The following TBC1D4 variants were observed in gnomAD, a reference collection of about 807,000 sequenced individuals.
TBC1D4 encodes the protein TBC1 domain family member 4, also known as TBC (Tre-2, BUB2, CDC16) domain-containing protein.
Under a neutral mutation model 142.5 loss-of-function variants are expected in TBC1D4, and 121 were observed. The observed-to-expected ratio is 0.85, with a 90% CI of 0.73 to 0.99. The LOEUF (loss-of-function observed/expected upper bound fraction) is 0.99. Ranked by LOEUF, TBC1D4 falls within the 50% of genes least tolerant of loss-of-function variation. The pLI, the probability that TBC1D4 is intolerant of heterozygous loss-of-function variation, is 0.00. For missense variants in TBC1D4, 1,475 were observed against 1,606.6 expected (o/e 0.92, Z 1.40); for synonymous variants, 630 against 628.2 (o/e 1.00, Z -0.04).
intron 8 of TBC1D4, 57 bp from the exon 9 acceptor site, chr13:75,327,883 C>T (rs573165700): frequency 1.0e-5 from 16 of 1,567,792 alleles, no homozygotes; most frequent in Middle Eastern, 1.7e-4. Flanking sequence ...TACTTCAAAA[C>T]TATAAAAGGT....
At chr13:75,306,262 C>A in intron 15 of TBC1D4, 51 bp downstream of exon 15, 1 of 1,483,002 alleles carries the variant, frequency 6.7e-7, no homozygotes, top group Admixed American at 2.2e-5. Flanking sequence ...AAAAAAAAAT[C>A]CCCCAGGCTT....
intron 1 of TBC1D4, among the ~76,000 whole-genome samples, chr13:75,369,610 T>A (rs906110185): frequency 5.3e-5 from 8 of 152,172 alleles, no homozygotes; most frequent in Non-Finnish European, 1.5e-5. Context: ...GGGTTTCTAC[T>A]TAAAGCCTGG....
chr13:75,334,616 C>T (rs1880043409), intron 8 of TBC1D4, among the ~76,000 whole-genome samples: 1 of 151,976 alleles, frequency 6.6e-6, no homozygotes. Flanking sequence ...CAGGGTCTCA[C>T]TCTGTCTCCC....
chr13:75,302,106 TA>T, intron 16 of TBC1D4, 136 bp downstream of exon 16: 5 of 1,049,296 alleles, frequency 4.8e-6, no homozygotes, highest in Non-Finnish European at 1.4e-6. Context: ...TTGCCCTCAG[TA>T]AAGGACAAAG....
In TBC1D4 at chr13:75,333,359, G is replaced by A. The variant is rs117718297; in HGVS notation, c.1731+3562C>T. On this transcript the variant is annotated intron_variant, in intron 8 of 20. Coordinates refer to ENST00000377636, the MANE Select transcript of TBC1D4 (RefSeq NM_014832.5). Reference sequence around the variant, plus strand: ...TACTTGTGATCCATTAATAACCTGAGCTATTCATTAACACATGAAAACAGC... The same window carrying A: ...TACTTGTGATCCATTAATAACCTGAACTATTCATTAACACATGAAAACAGC... Among the ~76,000 whole-genome samples, 1,215 of 152,098 alleles carry A rather than the reference G, an allele frequency of 8.0e-3. 14 individuals carry two copies. The highest frequency in any genetic ancestry group is 0.013 in the South Asian group (61 of 4,822).
intron 12 of TBC1D4, among the ~76,000 whole-genome samples, chr13:75,318,622 A>T (rs1275753127): frequency 6.6e-6 from 1 of 152,212 alleles, no homozygotes; most frequent in Non-Finnish European, 1.5e-5. Context: ...CTAACAGTTT[A>T]TATAGGTTCT....
At chr13:75,367,900 T>G (rs9543909) in intron 1 of TBC1D4, among the ~76,000 whole-genome samples, 69,281 of 151,934 alleles carry the variant, frequency 0.46, 17,055 homozygotes, top group South Asian at 0.71. Flanking sequence ...GGAAGATATA[T>G]AGATGCCAAG....
rs1208925536 is a variant in TBC1D4 at position 75,326,237 on chromosome 13, GCA to G, written c.1991_1992del (p.Val664AlafsTer11). ...GAGCTCTGCCTCAGCAGAGGGGAAC[GCA>G]CACCCTGAGCCCTCCCATCCTGCAA... ...LNLQDGRAQG[V>X]RSPLLRQSSS... On this transcript the variant is annotated frameshift_variant, in exon 10 of 21. Coordinates refer to ENST00000377636, the MANE Select transcript of TBC1D4 (RefSeq NM_014832.5). LOFTEE classifies it high-confidence loss of function. The G allele has an allele frequency of 6.2e-7, 1 of 1,614,018 alleles. No individual in the cohort carries two copies. Among genetic ancestry groups the G allele is most frequent in the African/African-American group, 1.3e-5 (1 of 74,914 alleles).
intron 1 of TBC1D4, among the ~76,000 whole-genome samples, chr13:75,393,094 A>T (rs1483085679): frequency 6.7e-6 from 1 of 149,524 alleles, no homozygotes; most frequent in Non-Finnish European, 1.5e-5. Flanking sequence ...AATGTCAAAA[A>T]ATACATAAAT....
At position 75,424,589 on chromosome 13, in the gene TBC1D4, C is replaced by A. The variant is rs1886304573; in HGVS notation, c.498+56681G>T. On this transcript the variant is annotated intron_variant, in intron 1 of 20. Coordinates refer to ENST00000377636, the MANE Select transcript of TBC1D4 (RefSeq NM_014832.5). ...TGAGCAAAATGAACAAAGCTGAAGG[C>A]ATCACACTACCTGATTTCAAAATCT... 4.6e-5 allele frequency among the ~76,000 whole-genome samples: 7 copies of A among 152,210 alleles called. No homozygotes were observed. In the South Asian group the frequency reaches 1.5e-3, roughly 32 times the overall value.
chr13:75,434,578 C>A (rs960573121), intron 1 of TBC1D4, among the ~76,000 whole-genome samples: 1 of 151,940 alleles, frequency 6.6e-6, no homozygotes, highest in Non-Finnish European at 1.5e-5. Flanking sequence ...ATAATATGTA[C>A]AACAAACCCC....
intron 1 of TBC1D4, among the ~76,000 whole-genome samples, chr13:75,468,664 C>T (rs1888267346): frequency 2.6e-5 from 4 of 152,258 alleles, no homozygotes; most frequent in Middle Eastern, 3.4e-3. Context: ...CAAAAAATAT[C>T]GTGCAAACAG....
intron 1 of TBC1D4, among the ~76,000 whole-genome samples, chr13:75,398,127 C>A (rs79285895): frequency 0.021 from 3,225 of 152,284 alleles, 87 homozygotes; most frequent in African/African-American, 0.057. Flanking sequence ...GAAGATCCTA[C>A]CTTGGACGTT....
At chr13:75,426,186 T>C (rs1189730681) in intron 1 of TBC1D4, among the ~76,000 whole-genome samples, 1 of 152,196 alleles carries the variant, frequency 6.6e-6, no homozygotes, top group Non-Finnish European at 1.5e-5. Flanking sequence ...TATGAAAAGA[T>C]GCTTGACTTC....
chr13:75,387,013 A>G (rs1593826879), intron 1 of TBC1D4, among the ~76,000 whole-genome samples: 1 of 152,248 alleles, frequency 6.6e-6, no homozygotes, highest in Middle Eastern at 3.4e-3. Flanking sequence ...TTTCGTGTGT[A>G]TGGTTTGATC....
At chr13:75,341,894 G>C (rs956032112) in intron 5 of TBC1D4, among the ~76,000 whole-genome samples, 11 of 152,198 alleles carry the variant, frequency 7.2e-5, no homozygotes, top group African/African-American at 2.7e-4. Flanking sequence ...GGAGTTTTCA[G>C]AAACTTTTCC....
At chr13:75,405,252 A>T (rs1885278059) in intron 1 of TBC1D4, among the ~76,000 whole-genome samples, 1 of 147,486 alleles carries the variant, frequency 6.8e-6, no homozygotes, top group African/African-American at 2.5e-5. Flanking sequence ...CTGTGTGTAT[A>T]TATACATGTA....
chr13:75,370,320 TAGAA>T (rs751354573), intron 1 of TBC1D4, among the ~76,000 whole-genome samples: 2 of 152,106 alleles, frequency 1.3e-5, no homozygotes, highest in Non-Finnish European at 2.9e-5. Context: ...CTTGGTGAGA[TAGAA>T]AGCCCCTGGT....
intron 1 of TBC1D4, among the ~76,000 whole-genome samples, chr13:75,447,920 A>T (rs1308496574): frequency 5.3e-5 from 8 of 152,138 alleles, no homozygotes; most frequent in African/African-American, 1.9e-4. Flanking sequence ...AAACCAGCTC[A>T]GGGTTCCCAC....
Sources: allele counts gnomAD v4.1 joint callset (sites outside exome capture counted in the v4.1 genomes callset), GRCh38; gene constraint gnomAD v4.1.1; transcripts MANE v1.5; gene names NCBI Gene and HGNC (gene_info 2026-07-23, HGNC 2026-07-21).